Variants in FGF14 observed in about 807,000 individuals in gnomAD.
The protein encoded by FGF14 is fibroblast growth factor homologous factor 4.
Under a neutral mutation model 25.5 loss-of-function variants are expected in FGF14, and 5 were observed. The ratio of observed to expected loss-of-function variants is 0.20; its 90% CI spans 0.10 to 0.41. The LOEUF (loss-of-function observed/expected upper bound fraction) is 0.41. FGF14 is among the 10% of genes least tolerant of loss of function. The pLI is 1.00. For synonymous variants in FGF14, 138 were observed against 118.3 expected (o/e 1.17, Z -1.08); for missense variants, 222 against 320.1 (o/e 0.69, Z 2.34).
chr13:102,070,246 GACAT>G (rs1455052831), intron 1 of FGF14, among the ~76,000 whole-genome samples: 1 of 152,112 alleles, frequency 6.6e-6, no homozygotes, highest in African/African-American at 2.4e-5. Context: ...CTCAAAATAA[GACAT>G]ACAAATGACA....
At chr13:101,903,545 T>TC (rs950290372) in intron 1 of FGF14, among the ~76,000 whole-genome samples, 5 of 152,276 alleles carry the variant, frequency 3.3e-5, no homozygotes, top group Admixed American at 2.6e-4. Flanking sequence ...GGTAGGCTTT[T>TC]TTTTTCCTGT....
intron 1 of FGF14, among the ~76,000 whole-genome samples, chr13:102,324,741 A>G (rs1159549729): frequency 1.3e-5 from 2 of 152,224 alleles, no homozygotes; most frequent in Non-Finnish European, 2.9e-5. Flanking sequence ...CTAATAAGAT[A>G]AGATGTCTGG....
intron 3 of FGF14, among the ~76,000 whole-genome samples, chr13:101,808,606 G>T (rs1215519558): frequency 1.3e-5 from 2 of 152,072 alleles, no homozygotes; most frequent in East Asian, 3.9e-4. Flanking sequence ...ATGAAAATAT[G>T]ACGTGGTAGC....
At chr13:102,120,310 A>C (rs1383801798) in intron 1 of FGF14, among the ~76,000 whole-genome samples, 1 of 152,206 alleles carries the variant, frequency 6.6e-6, no homozygotes, top group Non-Finnish European at 1.5e-5. Context: ...AAAAGCAAAG[A>C]AAGTGGAAAG....
intron 1 of FGF14, among the ~76,000 whole-genome samples, chr13:101,938,884 TAGTTCTTCACTG>T (rs1173885588): frequency 6.6e-6 from 1 of 151,924 alleles, no homozygotes; most frequent in Non-Finnish European, 1.5e-5. Flanking sequence ...TTAAGGAGAG[TAGTTCTTCACTG>T]AGGGCATTTT....
At chr13:102,255,345 A>G (rs2052384935) in intron 1 of FGF14, among the ~76,000 whole-genome samples, 1 of 152,210 alleles carries the variant, frequency 6.6e-6, no homozygotes, top group African/African-American at 2.4e-5. Flanking sequence ...TGAACCAAAA[A>G]TTGTTGAAAA....
At chr13:102,270,746 T>G (rs2053206838) in intron 1 of FGF14, among the ~76,000 whole-genome samples, 1 of 152,194 alleles carries the variant, frequency 6.6e-6, no homozygotes, top group African/African-American at 2.4e-5. Context: ...TCAAGCTGTT[T>G]GTCATTTATT....
chr13:101,983,342 T>C (rs957682622), intron 1 of FGF14, among the ~76,000 whole-genome samples: 1 of 152,146 alleles, frequency 6.6e-6, no homozygotes, highest in Admixed American at 6.6e-5. Flanking sequence ...ACTGTCTTTG[T>C]GACATATTCT....
chr13:102,154,079 GAAT>G (rs2047208346), intron 1 of FGF14, among the ~76,000 whole-genome samples: 1 of 152,042 alleles, frequency 6.6e-6, no homozygotes, highest in Non-Finnish European at 1.5e-5. Context: ...GTATCCACGA[GAAT>G]AACAACAATG....
chr13:101,910,276 AAATAAT>A (rs974502662), intron 1 of FGF14, among the ~76,000 whole-genome samples: 2 of 152,030 alleles, frequency 1.3e-5, no homozygotes, highest in African/African-American at 2.4e-5. Flanking sequence ...AATCAGACCA[AAATAAT>A]AATAATAATA....
intron 3 of FGF14, among the ~76,000 whole-genome samples, chr13:101,751,062 T>C (rs2037238312): frequency 6.6e-6 from 1 of 151,776 alleles, no homozygotes; most frequent in African/African-American, 2.4e-5. Flanking sequence ...GGATGATGAG[T>C]AAGTGAACAC....
chr13:101,952,222 G>A (rs1204992691), intron 1 of FGF14, among the ~76,000 whole-genome samples: 2 of 152,072 alleles, frequency 1.3e-5, no homozygotes, highest in Non-Finnish European at 2.9e-5. Flanking sequence ...CAAGAGTACA[G>A]TAGGTCTTGG....
intron 1 of FGF14, among the ~76,000 whole-genome samples, chr13:101,981,774 G>C (rs1396011278): frequency 6.6e-6 from 1 of 152,162 alleles, no homozygotes; most frequent in East Asian, 1.9e-4. Flanking sequence ...GATTAGGAAG[G>C]CTCCATGAAA....
intron 3 of FGF14, among the ~76,000 whole-genome samples, chr13:101,836,060 GAT>G (rs1232991600): frequency 2.0e-5 from 3 of 152,042 alleles, no homozygotes; most frequent in African/African-American, 4.8e-5. Flanking sequence ...CTGGTGCAGT[GAT>G]ATGTTTCTAA....
At chr13:101,797,207 C>A (rs2040577977) in intron 3 of FGF14, among the ~76,000 whole-genome samples, 2 of 152,100 alleles carry the variant, frequency 1.3e-5, no homozygotes, top group South Asian at 4.1e-4. Context: ...TTCTATGCTA[C>A]ATCACTTTTA....
chr13:101,850,538 TATATATATATATAG>T (rs1566312013), intron 3 of FGF14, among the ~76,000 whole-genome samples: 8 of 4,934 alleles, frequency 1.6e-3, no homozygotes, highest in African/African-American at 2.6e-3. Context: ...TATATATATA[TATATATATATATAG>T]AATTATATAT....
At chr13:101,988,543 C>T (rs556991720) in intron 1 of FGF14, among the ~76,000 whole-genome samples, 90 of 152,108 alleles carry the variant, frequency 5.9e-4, no homozygotes, top group Middle Eastern at 3.4e-3. Context: ...AGGATGAGTT[C>T]ATGTTCTTTG....
intron 1 of FGF14, among the ~76,000 whole-genome samples, chr13:102,221,048 TAGA>T (rs1226868778): frequency 1.3e-5 from 2 of 152,250 alleles, no homozygotes; most frequent in Non-Finnish European, 2.9e-5. Context: ...TTCTTCATGT[TAGA>T]AGGAGAGCGG....
chr13:101,810,091 A>C (rs1053600054), intron 3 of FGF14, among the ~76,000 whole-genome samples: 1 of 152,166 alleles, frequency 6.6e-6, no homozygotes, highest in African/African-American at 2.4e-5. Flanking sequence ...CAAAACTCCC[A>C]CTTCATCATT....
Sources: allele counts gnomAD v4.1 joint callset (sites outside exome capture counted in the v4.1 genomes callset), GRCh38; gene constraint gnomAD v4.1.1; transcripts MANE v1.5; gene names NCBI Gene and HGNC (gene_info 2026-07-23, HGNC 2026-07-21).